ATL3: variants seen among roughly 807,000 people sequenced by gnomAD.
The protein encoded by ATL3 is atlastin GTPase 3, also known as atlastin-3.
A neutral mutation model predicts 69.5 loss-of-function variants in ATL3; 49 were observed. The ratio of observed to expected loss-of-function variants is 0.71; its 90% CI spans 0.56 to 0.89. The LOEUF (loss-of-function observed/expected upper bound fraction) is 0.89. Among genes scored for constraint, ATL3 ranks in the 40% least tolerant of loss-of-function variants. The pLI, the probability that ATL3 is intolerant of heterozygous loss-of-function variation, is 0.00. For synonymous variants in ATL3, 214 were observed against 224.1 expected (o/e 0.95, Z 0.40); for missense variants, 606 against 645.7 (o/e 0.94, Z 0.67).
chr11:63,645,143 A>T (rs923095353), intron 6 of ATL3, among the ~76,000 whole-genome samples: 1 of 152,112 alleles, frequency 6.6e-6, no homozygotes, highest in Non-Finnish European at 1.5e-5. Context: ...ACCGTGGCTC[A>T]TGCCTATAAT....
rs1939130779 is a variant in ATL3 at position 63,626,916 on chromosome 11, A to G, written c.*2403T>C. 1 of 152,030 alleles carries G rather than the reference A, an allele frequency of 6.6e-6. No homozygotes were observed. Among genetic ancestry groups the G allele is most frequent in the Admixed American group, 6.6e-5 (1 of 15,266 alleles). The allele number at this position is 152,030 out of a possible 1,614,324, so 9.4% of individuals were successfully genotyped here. ...AGAACCCTCACTGAGAAAACTTTAT[A>G]AAACACTTTCCAGAAGCAGAACTAA... On this transcript the variant is annotated 3_prime_UTR_variant, in exon 13 of 13. Coordinates refer to ENST00000398868, the MANE Select transcript of ATL3 (RefSeq NM_015459.5).
intron 3 of ATL3, among the ~76,000 whole-genome samples, chr11:63,655,692 C>T (rs1179087567): frequency 1.3e-5 from 2 of 151,990 alleles, no homozygotes; most frequent in African/African-American, 2.4e-5. Context: ...GGTGATCCAC[C>T]CACCTCGGCC....
chr11:63,651,950 G>T lies in ATL3; in HGVS notation c.547C>A (p.Leu183Ile). The change falls in exon 5 of 13, where the codon CTT becomes ATT. Residue 183 changes from leucine (L) to isoleucine (I), a missense_variant. By Grantham distance (5) the Leu-to-Ile change is conservative. Transcript: ENST00000398868. ...NLSQNIQEDD[L>I]QQLQLFTEYG... is the part of the protein sequence containing the mutation. ...GAAATATATACCTGCAGCTGTTGAA[G>T]ATCATCTTCTTGAATGTTCTGAGAT... The T allele has an allele frequency of 1.9e-6, 3 of 1,599,166 alleles. No homozygotes were observed. Among genetic ancestry groups the T allele is most frequent in the Non-Finnish European group, 2.6e-6 (3 of 1,175,450 alleles).
intron 8 of ATL3, among the ~76,000 whole-genome samples, chr11:63,642,972 A>G (rs549247411): frequency 1.1e-4 from 17 of 152,352 alleles, no homozygotes; most frequent in African/African-American, 3.8e-4. Context: ...AGGTTTTGCT[A>G]TAATCACAAA....
chr11:63,636,086 G>T, intron 9 of ATL3, 121 bp downstream of exon 9: 2 of 1,256,494 alleles, frequency 1.6e-6, no homozygotes, highest in Non-Finnish European at 2.2e-6. Context: ...CTCTGAAAAT[G>T]CCTCTCACCA....
chr11:63,670,985 C>T (rs2134554213), intron 1 of ATL3, among the ~76,000 whole-genome samples: 1 of 152,254 alleles, frequency 6.6e-6, no homozygotes, highest in Admixed American at 6.5e-5. Flanking sequence ...CCTTGGGCCG[C>T]CCAGGGGCAG....
intron 5 of ATL3, among the ~76,000 whole-genome samples, chr11:63,650,991 C>A (rs1200983280): frequency 6.6e-6 from 1 of 152,136 alleles, no homozygotes; most frequent in South Asian, 2.1e-4. Flanking sequence ...AGAACTAATT[C>A]AAGGTAATCC....
chr11:63,664,497 G>A (rs1173955218), intron 1 of ATL3, among the ~76,000 whole-genome samples: 10 of 151,524 alleles, frequency 6.6e-5, no homozygotes, highest in South Asian at 6.3e-4. Context: ...CCAACATTGC[G>A]CCACTGCACT....
chr11:63,646,419 A>C (rs1939881910), intron 6 of ATL3, 88 bp downstream of exon 6: 1 of 726,878 alleles, frequency 1.4e-6, no homozygotes, highest in African/African-American at 1.8e-5. Flanking sequence ...AACAGGTGGC[A>C]AGCTAGATTT....
chr11:63,646,066 A>T (rs201095417), intron 6 of ATL3, among the ~76,000 whole-genome samples: 22 of 151,930 alleles, frequency 1.4e-4, no homozygotes, highest in Non-Finnish European at 2.9e-4. Context: ...ACCTACCCCC[A>T]TTTTTTTAAG....
At chr11:63,635,383 A>G in intron 10 of ATL3, 151 bp downstream of exon 10, 1 of 648,308 alleles carries the variant, frequency 1.5e-6, no homozygotes, top group Non-Finnish European at 2.6e-6. Flanking sequence ...TCGCCACACT[A>G]CTGCAAAATG....
intron 1 of ATL3, among the ~76,000 whole-genome samples, chr11:63,671,016 T>C (rs907292454): frequency 1.3e-5 from 2 of 151,984 alleles, no homozygotes; most frequent in Admixed American, 1.3e-4. Context: ...GGGGAGGAGC[T>C]GGAGGAGCCC....
intron 1 of ATL3, among the ~76,000 whole-genome samples, chr11:63,664,303 C>T (rs866976700): frequency 6.6e-6 from 1 of 152,090 alleles, no homozygotes; most frequent in Non-Finnish European, 1.5e-5. Context: ...CCTTGGGAGG[C>T]CGAGGCAGGC....
intron 3 of ATL3, among the ~76,000 whole-genome samples, chr11:63,656,180 C>T (rs1416199980): frequency 1.3e-5 from 2 of 150,846 alleles, no homozygotes; most frequent in South Asian, 2.1e-4. Flanking sequence ...GCCGAGATCA[C>T]GCCACTGCAC....
intron 1 of ATL3, among the ~76,000 whole-genome samples, chr11:63,670,021 G>C (rs1041785437): frequency 6.6e-6 from 1 of 151,892 alleles, no homozygotes; most frequent in Non-Finnish European, 1.5e-5. Context: ...CAGAAGAATT[G>C]CTTGAACCCA....
At position 63,643,421 on chromosome 11, in the gene ATL3, G is replaced by A. The variant is rs2134488219; in HGVS notation, c.786C>T (p.Cys262=). 5 of 1,612,516 alleles carry A rather than the reference G, an allele frequency of 3.1e-6. No individual in the cohort carries two copies. The highest frequency in any genetic ancestry group is 1.3e-5 in the African/African-American group (1 of 75,018). The change falls in exon 8 of 13, where the codon TGC becomes TGT. Residue 262 remains cysteine, a synonymous_variant. Coordinates refer to ENST00000398868, the MANE Select transcript of ATL3 (RefSeq NM_015459.5). Reference sequence around the variant, plus strand: ...GGAGTCCTGGATGTGGTAAGAGAAAGCAGGTGACATCGGAGAAACATGAGT... The same window carrying A: ...GGAGTCCTGGATGTGGTAAGAGAAAACAGGTGACATCGGAGAAACATGAGT... ...HIHSCFSDVT[C]FLLPHPGLQV...
intron 11 of ATL3, among the ~76,000 whole-genome samples, chr11:63,631,802 T>C (rs866182530): frequency 2.4e-4 from 37 of 152,098 alleles, no homozygotes; most frequent in African/African-American, 7.7e-4. Context: ...GTAAACATGG[T>C]GAAACTCCGT....
upstream of ATL3, chr11:63,671,701 G>C: frequency 7.7e-7 from 1 of 1,303,524 alleles, no homozygotes; most frequent in Non-Finnish European, 9.9e-7. Flanking sequence ...CTGGGTCCCG[G>C]CCAGCGGTCC....
At chr11:63,647,204 T>G (rs939079533) in intron 5 of ATL3, among the ~76,000 whole-genome samples, 1 of 145,858 alleles carries the variant, frequency 6.9e-6, no homozygotes, top group Non-Finnish European at 1.5e-5. Flanking sequence ...TAAAAAAAAA[T>G]TTTTTTTTTT....
Sources: gnomAD v4.1 joint callset for allele counts (sites outside exome capture counted in the v4.1 genomes callset) on GRCh38, gnomAD v4.1.1 for gene constraint, MANE v1.5 for transcripts, NCBI Gene and HGNC (gene_info 2026-07-23, HGNC 2026-07-21) for gene names.